APOB: variants seen among roughly 807,000 people sequenced by gnomAD.
The protein encoded by APOB is apolipoprotein B.
A neutral mutation model predicts 314.1 loss-of-function variants in APOB; 153 were observed. The observed-to-expected ratio is 0.49, with a 90% CI of 0.43 to 0.56. APOB has a LOEUF of 0.56. Among genes scored for constraint, APOB ranks in the 20% least tolerant of loss-of-function variants. The pLI is 0.00. For synonymous variants in APOB, 2,087 were observed against 2,036.4 expected (o/e 1.02, Z -0.67); for missense variants, 5,430 against 5,350.7 (o/e 1.01, Z -0.46).
chr2:21,034,420 T>G (rs1663953018), intron 8 of APOB, among the ~76,000 whole-genome samples: 1 of 152,224 alleles, frequency 6.6e-6, no homozygotes, highest in Non-Finnish European at 1.5e-5. Flanking sequence ...GACTTGAGAT[T>G]GTTAGAGTTC....
rs753822135 is a variant in APOB at position 21,004,469 on chromosome 2, A to G, written c.11904-17T>C. The G allele has an allele frequency of 6.2e-7, 1 of 1,614,034 alleles. No individual in the cohort carries two copies. Among genetic ancestry groups the G allele is most frequent in the South Asian group, 1.1e-5 (1 of 91,084 alleles). ...TCCCATTCCCTGAAAGCAGAAAAAC[A>G]GATGAGCTATCACGAAAGGGGTATG... On this transcript the variant is annotated splice_polypyrimidine_tract_variant and intron_variant, in intron 27 of 28. Coordinates refer to ENST00000233242, the MANE Select transcript of APOB (RefSeq NM_000384.3).
intron 4 of APOB, among the ~76,000 whole-genome samples, chr2:21,040,199 T>C (rs535368348): frequency 6.6e-6 from 1 of 152,316 alleles, no homozygotes; most frequent in African/African-American, 2.4e-5. Flanking sequence ...CCGCCATGAT[T>C]GTGAGACCTC....
rs778492524 is a variant in APOB, at chr2:21,007,666, T to C, written c.9202A>G (p.Ile3068Val). 3 of 1,614,122 alleles carry C rather than the reference T, an allele frequency of 1.9e-6. No homozygotes were observed. In the Admixed American group the frequency reaches 5.0e-5, roughly 27 times the overall value. Residue 3068 changes from isoleucine to valine, a missense_variant, in exon 26 of 29, where the codon ATA (isoleucine) becomes GTA (valine). By Grantham distance (29) the Ile-to-Val change is conservative. Coordinates refer to ENST00000233242, the MANE Select transcript of APOB (RefSeq NM_000384.3). ...AGTGCATAGTTATTCAGGAAGTCTATCTTCCCTGTTAACCTTAATGGAAAA... is the reference window on the plus strand; with the variant it reads ...AGTGCATAGTTATTCAGGAAGTCTACCTTCCCTGTTAACCTTAATGGAAAA... ...VRFPLRLTGK[I>V]DFLNNYALFL...
chr2:21,011,935 G>T lies in APOB; in HGVS notation c.4933C>A (p.Leu1645Ile). 1.2e-6 allele frequency: 2 copies of T among 1,614,028 alleles called. No homozygotes were observed. Among genetic ancestry groups the T allele is most frequent in the Non-Finnish European group, 1.7e-6 (2 of 1,180,040 alleles). ...GATATTCCATCTTGGCCAATCCTTA[G>T]TGTCGCCTTGTGAGCACCACTATTA... Reference protein sequence around the residue: ...KINSGAHKATLRIGQDGISTS... With the variant: ...KINSGAHKATIRIGQDGISTS... The change falls in exon 26 of 29, where the codon CTA becomes ATA. Residue 1645 changes from leucine to isoleucine, a missense_variant. Transcript: ENST00000233242.
Position 21,009,815 on chromosome 2 carries a change from G to A in APOB, c.7053C>T (p.Asp2351=), listed in dbSNP as rs1663255433. ...VHELIERYEV[D]QQIQVLMDKL... is the part of the protein sequence containing the mutation. ...TATCCATTAAAACCTGGATTTGTTG[G>A]TCTACTTCATACCTCTCGATTAACT... The change falls in exon 26 of 29, where the codon GAC becomes GAT. Residue 2351 remains aspartate, a synonymous_variant. Transcript: ENST00000233242. 3 of 1,613,982 alleles carry A rather than the reference G, an allele frequency of 1.9e-6. No homozygotes were observed. Among genetic ancestry groups the A allele is most frequent in the Non-Finnish European group, 2.5e-6 (3 of 1,179,958 alleles).
In APOB at chr2:21,002,347, A is replaced by AACCTATGC; in HGVS notation, c.13074_13075insGCATAGGT (p.Phe4359AlafsTer2). 6.2e-7 allele frequency: 1 copy of AACCTATGC among 1,611,544 alleles called. No homozygotes were observed. Among genetic ancestry groups the AACCTATGC allele is most frequent in the Non-Finnish European group, 8.5e-7 (1 of 1,179,114 alleles). On this transcript the variant is annotated stop_gained and frameshift_variant, in exon 29 of 29. Transcript: ENST00000233242. LOFTEE classifies it low-confidence loss of function (END_TRUNC). ...AGCTCGTTTTGAATAAATTCATTGA[A>AACCTATGC]CTTATGAAGATTAAGGCATAGGTTT...
In APOB at chr2:21,010,451, C is replaced by G. The variant is rs1558564270; in HGVS notation, c.6417G>C (p.Lys2139Asn). Residue 2139 changes from lysine (K) to asparagine (N), a missense_variant, in exon 26 of 29, where the codon AAG becomes AAC. Lys to Asn is a moderately conservative substitution (Grantham distance 94, BLOSUM62 0). This residue lies in a region of APOB where 3,281 missense variants were observed against 3,171.0 expected (regional missense o/e 1.03). Transcript: ENST00000233242. ...TTTTTGTGAGAGCAGTCAGTTTCTC[C>G]TTGGCATGTGAAACTTGTCTCTCCC... is the stretch of plus-strand genomic sequence containing the variant. ...FNWERQVSHAKEKLTALTKKY... is the reference protein window; with the variant it reads ...FNWERQVSHANEKLTALTKKY... 1.2e-6 allele frequency: 2 copies of G among 1,608,724 alleles called. No homozygotes were observed. Among genetic ancestry groups the G allele is most frequent in the Middle Eastern group, 3.3e-4 (2 of 6,046 alleles).
chr2:21,008,256 T>C lies in APOB; in HGVS notation c.8612A>G (p.Asn2871Ser). Reference sequence around the variant, plus strand: ...ATTGTTTATCTTGACAATCACTCCATTACTAAGCTCCAGTGTATTTTTTTC... The same window carrying C: ...ATTGTTTATCTTGACAATCACTCCACTACTAAGCTCCAGTGTATTTTTTTC... ...HTEKNTLELS[N>S]GVIVKINNQL... Residue 2871 changes from asparagine (N) to serine (S), a missense_variant, in exon 26 of 29, where the codon AAT becomes AGT. Physicochemically the swap from Asn to Ser is conservative, Grantham distance 46. Coordinates refer to ENST00000233242, the MANE Select transcript of APOB (RefSeq NM_000384.3). The C allele has an allele frequency of 6.2e-7, 1 of 1,614,098 alleles. No individual in the cohort carries two copies.
chr2:21,043,616 C>G, intron 1 of APOB, 65 bp from the exon 2 acceptor site: 5 of 1,556,950 alleles, frequency 3.2e-6, no homozygotes, highest in Non-Finnish European at 4.4e-6. Flanking sequence ...TAGGGCCCGA[C>G]AGGGGGACCA....
rs766605342 is a variant in APOB, at chr2:21,012,587, G to A, written c.4281C>T (p.Arg1427=). ...TGATATTCGAATCTAGAAATTTGTG[G>A]CGTAGAGACCCATCACATGATAGTG... is the stretch of plus-strand genomic sequence containing the variant. ...TFTLSCDGSL[R]HKFLDSNIKF... Residue 1427 remains arginine, a synonymous_variant, in exon 26 of 29, where the codon CGC becomes CGT. Transcript: ENST00000233242. 4 of 1,613,614 alleles carry A rather than the reference G, an allele frequency of 2.5e-6. No homozygotes were observed. The Admixed American group carries it at 6.7e-5, about 27-fold the overall frequency.
At chr2:21,034,587 A>C (rs1663955494) in intron 8 of APOB, among the ~76,000 whole-genome samples, 1 of 152,182 alleles carries the variant, frequency 6.6e-6, no homozygotes, top group South Asian at 2.1e-4. Context: ...TTAGGATTCC[A>C]GTTTTCTATT....
rs1466521626 is a variant in APOB at position 21,013,412 on chromosome 2, G to T, written c.3964C>A (p.His1322Asn). The T allele has an allele frequency of 5.6e-6, 9 of 1,614,124 alleles. No individual in the cohort carries two copies. The highest frequency in any genetic ancestry group is 6.8e-6 in the Non-Finnish European group (8 of 1,180,064). Residue 1322 changes from histidine (H) to asparagine (N), a missense_variant, in exon 25 of 29, where the codon CAC becomes AAC. Physicochemically the swap from His to Asn is moderately conservative, Grantham distance 68. Transcript: ENST00000233242. Reference sequence around the variant, plus strand: ...AGATGGAATCCCACAGACTTGAAGTGGAGGGCTGGTGTCCTAACAGTCTCT... The same window carrying T: ...AGATGGAATCCCACAGACTTGAAGTTGAGGGCTGGTGTCCTAACAGTCTCT... ...MLETVRTPAL[H>N]FKSVGFHLPS...
At chr2:21,014,739 G>A in intron 23 of APOB, 146 bp from the exon 24 acceptor site, 1 of 844,258 alleles carries the variant, frequency 1.2e-6, no homozygotes, top group Non-Finnish European at 1.9e-6. Context: ...AGAAAATTAT[G>A]AATCTTCGTT....
chr2:21,032,964 C>T (rs1339457402), intron 9 of APOB, among the ~76,000 whole-genome samples: 1 of 152,142 alleles, frequency 6.6e-6, no homozygotes, highest in African/African-American at 2.4e-5. Flanking sequence ...TTATATTTTT[C>T]GTCTGAGTTC....
intron 3 of APOB, 118 bp from the exon 4 acceptor site, chr2:21,041,201 C>T: frequency 9.7e-7 from 1 of 1,035,582 alleles, no homozygotes; most frequent in African/African-American, 1.6e-5. Flanking sequence ...GGGAACACCA[C>T]TGCCTGCGCC....
In APOB at chr2:21,028,026, T is replaced by G; in HGVS notation, c.1869A>C (p.Gln623His). 6.2e-7 allele frequency: 1 copy of G among 1,613,896 alleles called. No homozygotes were observed. ...TTCTGAAGTCCATGACAGTTGGAAGTTGAGATTCTTTCAGAGCTTCTTTCA... is the reference window on the plus strand; with the variant it reads ...TTCTGAAGTCCATGACAGTTGGAAGGTGAGATTCTTTCAGAGCTTCTTTCA... ...KLVKEALKES[Q>H]LPTVMDFRKF... Residue 623 changes from glutamine to histidine, a missense_variant, in exon 14 of 29, where the codon CAA becomes CAC. Gln to His is a conservative substitution (Grantham distance 24). Transcript: ENST00000233242.
chr2:21,016,328 A>G (rs1663462755), intron 21 of APOB, 111 bp downstream of exon 21: 1 of 684,590 alleles, frequency 1.5e-6, no homozygotes, highest in South Asian at 1.6e-5. Flanking sequence ...TGCCACTCTG[A>G]TTGTAGACTA....
chr2:21,035,766 C>G, intron 6 of APOB, 58 bp from the exon 7 acceptor site: 1 of 1,578,482 alleles, frequency 6.3e-7, no homozygotes, highest in Non-Finnish European at 8.7e-7. Flanking sequence ...CTGTTAAAAG[C>G]ATTTACCTTC....
At position 21,010,052 on chromosome 2, in the gene APOB, G is replaced by A. The variant is rs142955287; in HGVS notation, c.6816C>T (p.His2272=). 1.2e-5 allele frequency: 19 copies of A among 1,613,546 alleles called. No homozygotes were observed. The African/African-American group carries it at 2.5e-4, about 22-fold the overall frequency. Residue 2272 remains histidine (H), a synonymous_variant, in exon 26 of 29, where the codon CAC becomes CAT. Coordinates refer to ENST00000233242, the MANE Select transcript of APOB (RefSeq NM_000384.3). ...GGTGCTGGATGTCTATATTCTGTAT[G>A]TGTCTCTTAAGCTGCTGCAGTTTTT... ...IQEKLQQLKR[H]IQNIDIQHLA...
Sources: gnomAD v4.1 joint callset for allele counts (sites outside exome capture counted in the v4.1 genomes callset) on GRCh38, gnomAD v4.1.1 for gene constraint, gnomAD v4.1.1 regional missense constraint, MANE v1.5 for transcripts, NCBI Gene and HGNC (gene_info 2026-07-23, HGNC 2026-07-21) for gene names.